GRIK1: variants seen among roughly 807,000 people sequenced by gnomAD.
The protein encoded by GRIK1 is glutamate receptor ionotropic, kainate 1.
A neutral mutation model predicts 105.7 loss-of-function variants in GRIK1; 69 were observed. That is an observed-to-expected ratio of 0.65 (90% CI 0.54 to 0.80). The LOEUF is 0.80. Ranked by LOEUF, GRIK1 falls within the 30% of genes least tolerant of loss-of-function variation. The pLI is 0.00. For synonymous variants in GRIK1, 438 were observed against 431.3 expected, an observed-to-expected ratio of 1.02 and a Z score of -0.19; for missense variants, 1,109 against 1,167.3, an observed-to-expected ratio of 0.95 and a Z score of 0.73.
At chr21:29,902,417 TCTC>T (rs2070444134) in intron 1 of GRIK1, among the ~76,000 whole-genome samples, 1 of 152,102 alleles carries the variant, frequency 6.6e-6, no homozygotes, top group Non-Finnish European at 1.5e-5. Flanking sequence ...CAGCCCAAAT[TCTC>T]CTTAAGCTGA....
At chr21:29,747,277 A>G (rs1407040645) in intron 1 of GRIK1, among the ~76,000 whole-genome samples, 1 of 152,240 alleles carries the variant, frequency 6.6e-6, no homozygotes, top group Non-Finnish European at 1.5e-5. Flanking sequence ...AAAGTCTCAG[A>G]GCAATATGGG....
rs1307782116 is a variant in GRIK1, at chr21:29,741,525, A to T, written c.119-47462T>A. The stretch of plus-strand genomic sequence containing the variant: ...TTTTAAAAATTGCAATAAAGAAAAC[A>T]GACTTTCCTATTTCTACCTTTGGAA... On this transcript the variant is annotated intron_variant, in intron 1 of 17. Coordinates refer to ENST00000327783, the MANE Select transcript of GRIK1 (RefSeq NM_001330994.2). 2.6e-5 allele frequency among the ~76,000 whole-genome samples: 4 copies of T among 152,222 alleles called. No homozygotes were observed. In the East Asian group the frequency reaches 7.7e-4, roughly 29 times the overall value.
At chr21:29,572,290 CCTT>C (rs1187803617) in intron 14 of GRIK1, among the ~76,000 whole-genome samples, 1 of 152,118 alleles carries the variant, frequency 6.6e-6, no homozygotes, top group Non-Finnish European at 1.5e-5. Context: ...TCCTTGTTCT[CCTT>C]CTGCAAATAC....
At chr21:29,580,142 C>CAT (rs3054306) in intron 13 of GRIK1, among the ~76,000 whole-genome samples, 2,380 of 140,212 alleles carry the variant, frequency 0.017, 60 homozygotes, top group African/African-American at 0.053. Context: ...CATATATATA[C>CAT]ATATATATAT....
chr21:29,767,605 C>T (rs1009044794), intron 1 of GRIK1, among the ~76,000 whole-genome samples: 1 of 151,828 alleles, frequency 6.6e-6, no homozygotes, highest in Non-Finnish European at 1.5e-5. Context: ...GAAGAAGTAC[C>T]CCATTAATAT....
chr21:29,834,987 T>G (rs1196599347), intron 1 of GRIK1, among the ~76,000 whole-genome samples: 1 of 152,096 alleles, frequency 6.6e-6, no homozygotes, highest in East Asian at 1.9e-4. Context: ...TCTTCTGATT[T>G]TCACACTCAG....
At chr21:29,635,731 T>C (rs2062385517) in intron 7 of GRIK1, among the ~76,000 whole-genome samples, 1 of 152,138 alleles carries the variant, frequency 6.6e-6, no homozygotes, top group Admixed American at 6.6e-5. Flanking sequence ...GTGCACCAGA[T>C]TTAAATCCAG....
At chr21:29,573,300 C>G (rs924031158) in intron 14 of GRIK1, among the ~76,000 whole-genome samples, 7 of 152,198 alleles carry the variant, frequency 4.6e-5, no homozygotes, top group Non-Finnish European at 8.8e-5. Context: ...GCTCAGGGAG[C>G]AGCAGTTGTG....
intron 1 of GRIK1, among the ~76,000 whole-genome samples, chr21:29,773,481 T>C (rs1413485434): frequency 1.3e-5 from 2 of 152,174 alleles, no homozygotes; most frequent in East Asian, 1.9e-4. Flanking sequence ...TCTTGACATA[T>C]GTCTACCTGT....
At chr21:29,689,473 T>G (rs1020726393) in intron 3 of GRIK1, among the ~76,000 whole-genome samples, 2 of 152,070 alleles carry the variant, frequency 1.3e-5, no homozygotes, top group Non-Finnish European at 2.9e-5. Flanking sequence ...TAACATATAC[T>G]GATAAGATGA....
At chr21:29,707,255 A>G (rs1296941344) in intron 1 of GRIK1, among the ~76,000 whole-genome samples, 2 of 152,168 alleles carry the variant, frequency 1.3e-5, no homozygotes, top group Non-Finnish European at 2.9e-5. Flanking sequence ...ACATACAACT[A>G]TAAATTGGGT....
intron 1 of GRIK1, among the ~76,000 whole-genome samples, chr21:29,723,872 C>T (rs972762494): frequency 6.6e-6 from 1 of 152,100 alleles, no homozygotes; most frequent in African/African-American, 2.4e-5. Context: ...AAACTAACTG[C>T]CCTTTCTTTC....
chr21:29,656,961 A>C (rs188986950), intron 4 of GRIK1, among the ~76,000 whole-genome samples: 1 of 152,232 alleles, frequency 6.6e-6, no homozygotes, highest in African/African-American at 2.4e-5. Context: ...AAGACCAGGC[A>C]CACTAAAGGA....
At chr21:29,680,190 C>T (rs1004851890) in intron 3 of GRIK1, among the ~76,000 whole-genome samples, 2 of 152,094 alleles carry the variant, frequency 1.3e-5, no homozygotes, top group African/African-American at 4.8e-5. Context: ...TTGAGAATAT[C>T]CATGATGATT....
chr21:29,628,029 T>A (rs2062172930), intron 7 of GRIK1, among the ~76,000 whole-genome samples: 1 of 152,240 alleles, frequency 6.6e-6, no homozygotes, highest in Non-Finnish European at 1.5e-5. Context: ...TCAGTATCTA[T>A]TGTATAAACA....
chr21:29,707,605 C>T (rs2063949123), intron 1 of GRIK1, among the ~76,000 whole-genome samples: 1 of 151,982 alleles, frequency 6.6e-6, no homozygotes. Flanking sequence ...CAGTGATTCT[C>T]CTGCCTCAGC....
chr21:29,938,958 C>T (rs2071871611), intron 1 of GRIK1, among the ~76,000 whole-genome samples: 1 of 152,150 alleles, frequency 6.6e-6, no homozygotes, highest in African/African-American at 2.4e-5. Context: ...GCATACTTGC[C>T]AGTGCCCAGA....
chr21:29,542,979 G>A (rs1320598440), intron 16 of GRIK1, among the ~76,000 whole-genome samples: 2 of 152,138 alleles, frequency 1.3e-5, no homozygotes, highest in Non-Finnish European at 2.9e-5. Flanking sequence ...GTAAAACCTT[G>A]CATTTTATGT....
chr21:29,562,307 T>C (rs2090500454), intron 14 of GRIK1, among the ~76,000 whole-genome samples: 1 of 152,314 alleles, frequency 6.6e-6, no homozygotes, highest in Non-Finnish European at 1.5e-5. Context: ...TTCACTCTTC[T>C]CTTTTCTAGA....
Sources: gnomAD v4.1 joint callset for allele counts (sites outside exome capture counted in the v4.1 genomes callset) on GRCh38, gnomAD v4.1.1 for gene constraint, MANE v1.5 for transcripts, NCBI Gene and HGNC (gene_info 2026-07-23, HGNC 2026-07-21) for gene names.